Variants in SNRPN observed in about 807,000 individuals in gnomAD.
SNRPN encodes small nuclear ribonucleoprotein-associated protein N.
Under a neutral mutation model 25.2 loss-of-function variants are expected in SNRPN, and 7 were observed. That is an observed-to-expected ratio of 0.28 (90% CI 0.16 to 0.52). SNRPN has a LOEUF of 0.52. SNRPN is among the 20% of genes least tolerant of loss of function. The pLI is 0.96. For synonymous variants in SNRPN, 124 were observed against 110.6 expected (o/e 1.12, Z -0.76); for missense variants, 196 against 322.5 (o/e 0.61, Z 3.00).
At chr15:24,848,574 A>G (rs1048291956) in intron 2 of SNRPN, 3 of 152,172 alleles carry the variant, frequency 2.0e-5, no homozygotes, top group African/African-American at 7.2e-5. Flanking sequence ...TAAACATTGC[A>G]AGAACCATGA....
intron 2 of SNRPN, among the ~76,000 whole-genome samples, chr15:24,838,333 C>T (rs1261044192): frequency 6.6e-6 from 1 of 152,128 alleles, no homozygotes; most frequent in East Asian, 1.9e-4. Context: ...CCATGCCCGG[C>T]GCCAACTCTT....
At chr15:24,919,057 ATATATATATAACATAATATATATG>A (rs2059870774) in intron 2 of SNRPN, among the ~76,000 whole-genome samples, 3 of 117,418 alleles carry the variant, frequency 2.6e-5, no homozygotes, top group Non-Finnish European at 6.0e-5. Flanking sequence ...ATATGTGCGC[ATATATATATAACATAATATATATG>A]TGCGCATATA....
chr15:24,918,809 AAT>A lies in SNRPN; in HGVS notation c.-504-1193_-504-1192del, dbSNP rs1472750900. Reference sequence around the variant, plus strand: ...ATATGTGTGCATATATATATATAACAATATATATATGTGCGCATATATATAAT... The same window carrying A: ...ATATGTGTGCATATATATATATAACAATATATATGTGCGCATATATATAAT... On this transcript the variant is annotated intron_variant, in intron 2 of 11. Transcript: ENST00000400097. Among the ~76,000 whole-genome samples the A allele has an allele frequency of 1.1e-4, 11 of 97,406 alleles. 2 individuals carry two copies. In the East Asian group the frequency reaches 1.5e-3, roughly 13 times the overall value. The allele number at this position is 97,406 out of a possible 152,430, so 63.9% of individuals were successfully genotyped here.
At chr15:24,852,515 GTGTATTTGTCTGA>G (rs941594120), upstream of SNRPN, among the ~76,000 whole-genome samples, 1 of 152,150 alleles carries the variant, frequency 6.6e-6, no homozygotes, top group Non-Finnish European at 1.5e-5. Context: ...GTCCCACAAT[GTGTATTTGTCTGA>G]TGGTTTCTCA....
intron 1 of SNRPN, among the ~76,000 whole-genome samples, chr15:24,824,643 T>A (rs554571861): frequency 1.3e-5 from 2 of 152,260 alleles, no homozygotes; most frequent in Admixed American, 6.5e-5. Flanking sequence ...ACTACTTTTT[T>A]AATTTTTATA....
At chr15:24,873,923 G>T (rs1330354793) in intron 1 of SNRPN, among the ~76,000 whole-genome samples, 3 of 150,988 alleles carry the variant, frequency 2.0e-5, no homozygotes, top group Non-Finnish European at 1.5e-5. Flanking sequence ...TAGTAATTTG[G>T]ACATTTGCAA....
upstream of SNRPN, chr15:24,954,853 A>G: frequency 1.4e-6 from 1 of 720,706 alleles, no homozygotes; most frequent in Non-Finnish European, 2.3e-6. Context: ...CCCCCAGGTC[A>G]TTCCGGTGAG....
upstream of SNRPN, among the ~76,000 whole-genome samples, chr15:24,852,839 T>A (rs2052998779): frequency 6.6e-6 from 1 of 151,906 alleles, no homozygotes; most frequent in South Asian, 2.1e-4. Context: ...GGTGGGAGGA[T>A]TGGGAGGGTG....
intron 2 of SNRPN, among the ~76,000 whole-genome samples, chr15:24,917,179 C>T (rs145584554): frequency 6.6e-6 from 1 of 152,286 alleles, no homozygotes; most frequent in Non-Finnish European, 1.5e-5. Context: ...CCCCACCTGA[C>T]CTACGAAGTC....
rs371328734 is a variant in SNRPN, at chr15:24,847,231, G to T, written c.-579+17326G>T. Among the ~76,000 whole-genome samples the T allele has an allele frequency of 9.7e-4, 147 of 152,194 alleles. 1 individual carries two copies. The highest frequency in any genetic ancestry group is 3.5e-3 in the African/African-American group (145 of 41,546). ...ACTACTATGCTCACAGCGCCACCTA[G>T]CATCAACAGAAAGGGAGGCCCATGG... On this transcript the variant is annotated intron_variant, in intron 2 of 12. Coordinates refer to the SNRPN transcript ENST00000400100.
At chr15:24,843,788 A>AAC (rs56693061) in intron 2 of SNRPN, among the ~76,000 whole-genome samples, 22,925 of 139,764 alleles carry the variant, frequency 0.16, 1,957 homozygotes, top group East Asian at 0.4. Flanking sequence ...CTCCATCACA[A>AAC]ACACACACAC....
intron 2 of SNRPN, among the ~76,000 whole-genome samples, chr15:24,906,781 C>T (rs1308574705): frequency 1.3e-5 from 2 of 152,112 alleles, no homozygotes; most frequent in African/African-American, 4.8e-5. Flanking sequence ...AGGCTATTAA[C>T]GAAATTTTAG....
intron 3 of SNRPN, chr15:24,920,684 A>G (rs2152538950): frequency 6.6e-6 from 1 of 152,294 alleles, no homozygotes; most frequent in African/African-American, 2.4e-5. Context: ...AGGGCTGGGG[A>G]GTAAGGGAGA....
chr15:24,931,454 G>A (rs1165460923), intron 3 of SNRPN, among the ~76,000 whole-genome samples: 2 of 152,118 alleles, frequency 1.3e-5, no homozygotes, highest in South Asian at 2.1e-4. Flanking sequence ...GAAGCTGGGT[G>A]TCTACTGGAC....
At chr15:24,844,599 A>G (rs1356271940) in intron 2 of SNRPN, among the ~76,000 whole-genome samples, 1 of 152,048 alleles carries the variant, frequency 6.6e-6, no homozygotes, top group Non-Finnish European at 1.5e-5. Context: ...GTCTTGGCTC[A>G]CTGCAACTTC....
chr15:24,924,505 A>G (rs1418474582), intron 3 of SNRPN, among the ~76,000 whole-genome samples: 1 of 151,518 alleles, frequency 6.6e-6, no homozygotes, highest in Non-Finnish European at 1.5e-5. Context: ...CTCAGAGAAA[A>G]CCTCTGCCTG....
At chr15:24,876,231 A>G (rs751551943) in intron 1 of SNRPN, among the ~76,000 whole-genome samples, 8 of 152,080 alleles carry the variant, frequency 5.3e-5, no homozygotes, top group Admixed American at 1.3e-4. Flanking sequence ...CTTTGGCCAC[A>G]TAAGTATCAT....
At chr15:24,875,081 A>G (rs2055721861) in intron 1 of SNRPN, among the ~76,000 whole-genome samples, 2 of 152,226 alleles carry the variant, frequency 1.3e-5, no homozygotes, top group South Asian at 4.1e-4. Flanking sequence ...GCATTTTACA[A>G]TTGACTCAAA....
intron 1 of SNRPN, among the ~76,000 whole-genome samples, chr15:24,885,706 G>C (rs905963006): frequency 2.1e-5 from 3 of 146,118 alleles, no homozygotes; most frequent in African/African-American, 5.0e-5. Flanking sequence ...TTCCAGGAAG[G>C]AATCTGGGGC....
Sources: gnomAD v4.1 joint callset for allele counts (sites outside exome capture counted in the v4.1 genomes callset) on GRCh38, gnomAD v4.1.1 for gene constraint, MANE v1.5 for transcripts, NCBI Gene and HGNC (gene_info 2026-07-23, HGNC 2026-07-21) for gene names.